DIP2C: variants seen among roughly 807,000 people sequenced by gnomAD.
DIP2C encodes DIP2 acetate--CoA ligase C (putative), also known as disco-interacting protein 2 homolog C.
A neutral mutation model predicts 192.4 loss-of-function variants in DIP2C; 33 were observed. The observed-to-expected ratio is 0.17, with a 90% CI of 0.13 to 0.23. The LOEUF (loss-of-function observed/expected upper bound fraction) is 0.23, where lower values mean the gene tolerates loss of function less well. Ranked by LOEUF, DIP2C falls within the 10% of genes least tolerant of loss-of-function variation. The probability of loss-of-function intolerance (pLI) is 1.00; values close to 1 mark genes in which losing one functional copy is unlikely to be tolerated. For synonymous variants in DIP2C, 979 were observed against 864.1 expected (o/e 1.13, Z -2.33); for missense variants, 1,537 against 2,110.1 (o/e 0.73, Z 5.32).
intron 3 of DIP2C, among the ~76,000 whole-genome samples, chr10:456,596 G>A (rs1448115809): frequency 6.6e-6 from 1 of 152,210 alleles, no homozygotes; most frequent in Non-Finnish European, 1.5e-5. Flanking sequence ...CTGGAAAGAG[G>A]ACAGAGAAGA....
intron 1 of DIP2C, among the ~76,000 whole-genome samples, chr10:619,812 G>A (rs978573987): frequency 2.0e-5 from 3 of 152,126 alleles, no homozygotes; most frequent in African/African-American, 7.2e-5. Context: ...AGAGAGTCCT[G>A]GATAAAAATG....
At chr10:354,953 A>C (rs1959005597) in intron 24 of DIP2C, among the ~76,000 whole-genome samples, 1 of 151,898 alleles carries the variant, frequency 6.6e-6, no homozygotes, top group Admixed American at 6.6e-5. Context: ...ACAGCACCCA[A>C]GGCCGGCGAA....
At chr10:432,578 G>T (rs1371711722) in intron 4 of DIP2C, among the ~76,000 whole-genome samples, 4 of 151,868 alleles carry the variant, frequency 2.6e-5, no homozygotes, top group Non-Finnish European at 5.9e-5. Context: ...TCTTTTTCTT[G>T]TTAAAGGCTT....
At chr10:591,669 T>C (rs1355401064) in intron 1 of DIP2C, among the ~76,000 whole-genome samples, 1 of 151,910 alleles carries the variant, frequency 6.6e-6, no homozygotes, top group African/African-American at 2.4e-5. Context: ...TGCCTGCCGG[T>C]GAGTTAGACA....
chr10:448,659 C>A (rs538698984), intron 3 of DIP2C, among the ~76,000 whole-genome samples: 1 of 146,248 alleles, frequency 6.8e-6, no homozygotes, highest in African/African-American at 2.6e-5. Context: ...GCAAGCAGGA[C>A]CCACTCACCC....
intron 1 of DIP2C, among the ~76,000 whole-genome samples, chr10:688,033 T>C (rs549483162): frequency 6.6e-6 from 1 of 152,318 alleles, no homozygotes; most frequent in East Asian, 1.9e-4. Flanking sequence ...CCGGGAAACC[T>C]ACCCAAGGCT....
chr10:592,466 A>AACACGAGGTCACTGT, intron 1 of DIP2C, among the ~76,000 whole-genome samples: 9 of 152,188 alleles, frequency 5.9e-5, no homozygotes, highest in African/African-American at 2.2e-4. Flanking sequence ...CCACCATGGA[A>AACACGAGGTCACTGT]TATTCCTCAG....
rs1484565952 is a variant in DIP2C at position 418,055 on chromosome 10, T to C, written c.739+1010A>G. On this transcript the variant is annotated intron_variant, in intron 6 of 36. Transcript: ENST00000280886. ...CCACCTGTTCCTGTCAGGGCTTCGATAGGCCTCCCTGTTCACTGCACCTGT... is the reference window on the plus strand; with the variant it reads ...CCACCTGTTCCTGTCAGGGCTTCGACAGGCCTCCCTGTTCACTGCACCTGT... 1.3e-3 allele frequency among the ~76,000 whole-genome samples: 21 copies of C among 15,970 alleles called. 3 individuals carry two copies. Among genetic ancestry groups the C allele is most frequent in the East Asian group, 5.9e-3 (2 of 340 alleles). 10.5% of individuals were successfully genotyped at this position (15,970 alleles called of 152,430 possible).
intron 1 of DIP2C, among the ~76,000 whole-genome samples, chr10:590,671 T>C (rs1335108365): frequency 6.6e-6 from 1 of 152,212 alleles, no homozygotes; most frequent in Non-Finnish European, 1.5e-5. Flanking sequence ...CAACACTATA[T>C]CTCTACAAGT....
At chr10:312,890 C>T (rs1263315331) in intron 31 of DIP2C, among the ~76,000 whole-genome samples, 1 of 152,164 alleles carries the variant, frequency 6.6e-6, no homozygotes, top group African/African-American at 2.4e-5. Flanking sequence ...AATAAGTCAA[C>T]ATTCTCTCTA....
chr10:394,964 G>A (rs953095524), intron 10 of DIP2C, among the ~76,000 whole-genome samples: 1 of 152,186 alleles, frequency 6.6e-6, no homozygotes, highest in Non-Finnish European at 1.5e-5. Context: ...CCGTCAGTGA[G>A]GAGGGAAGCC....
intron 1 of DIP2C, among the ~76,000 whole-genome samples, chr10:493,068 T>C (rs986987474): frequency 2.6e-5 from 4 of 152,262 alleles, no homozygotes; most frequent in African/African-American, 9.6e-5. Context: ...ACTCCTGTCC[T>C]ACTGCAGCCT....
At chr10:337,946 C>G (rs1192238061) in intron 29 of DIP2C, among the ~76,000 whole-genome samples, 1 of 131,660 alleles carries the variant, frequency 7.6e-6, no homozygotes, top group South Asian at 2.5e-4. Context: ...CTGTGGAGGC[C>G]TAGACAGTCG....
chr10:414,727 G>GTT (rs1305381030), intron 7 of DIP2C, among the ~76,000 whole-genome samples: 1 of 70,358 alleles, frequency 1.4e-5, no homozygotes, highest in African/African-American at 5.5e-5. Flanking sequence ...GTGTGTGTGT[G>GTT]TGTGTGTGTG....
intron 1 of DIP2C, among the ~76,000 whole-genome samples, chr10:641,389 C>G (rs1202026511): frequency 6.6e-6 from 1 of 152,216 alleles, no homozygotes; most frequent in African/African-American, 2.4e-5. Context: ...CCGCACATCT[C>G]TGCTCCCGAG....
intron 32 of DIP2C, among the ~76,000 whole-genome samples, chr10:297,747 T>C (rs1297565774): frequency 6.6e-6 from 1 of 152,168 alleles, no homozygotes; most frequent in Non-Finnish European, 1.5e-5. Flanking sequence ...CAGTGTTCTG[T>C]ACCACCGCAG....
At chr10:306,225 T>C (rs899178302) in intron 32 of DIP2C, among the ~76,000 whole-genome samples, 1 of 152,022 alleles carries the variant, frequency 6.6e-6, no homozygotes, top group African/African-American at 2.4e-5. Flanking sequence ...CCTCACTCTA[T>C]GATGCAGAAA....
Position 648,359 on chromosome 10 carries a change from C to G in DIP2C, c.85+41135G>C, listed in dbSNP as rs577716980. On this transcript the variant is annotated intron_variant, in intron 1 of 36. Transcript: ENST00000280886. ...CATTGGATGGTGGGAGAGAACAGAG[C>G]AAAACTGAGTCCACGTCCACACTGG... 7.8e-3 allele frequency among the ~76,000 whole-genome samples: 956 copies of G among 122,362 alleles called. 8 individuals carry two copies. Among genetic ancestry groups the G allele is most frequent in the African/African-American group, 0.028 (869 of 31,412 alleles). 80.3% of individuals were successfully genotyped at this position (122,362 alleles called of 152,430 possible).
At chr10:379,730 C>T (rs370341902) in intron 17 of DIP2C, among the ~76,000 whole-genome samples, 24 of 152,378 alleles carry the variant, frequency 1.6e-4, no homozygotes, top group Middle Eastern at 3.4e-3. Flanking sequence ...TGCAGATAAT[C>T]GTTATCCTTT....
Sources: gnomAD v4.1 joint callset for allele counts (sites outside exome capture counted in the v4.1 genomes callset) on GRCh38, gnomAD v4.1.1 for gene constraint, MANE v1.5 for transcripts, NCBI Gene and HGNC (gene_info 2026-07-23, HGNC 2026-07-21) for gene names.